PPFIA3: variants seen among roughly 807,000 people sequenced by gnomAD.
PPFIA3 encodes liprin-alpha-3.
Under a neutral mutation model 145.8 loss-of-function variants are expected in PPFIA3, and 26 were observed. That is an observed-to-expected ratio of 0.18 (90% CI 0.13 to 0.25). The LOEUF is 0.25. Among genes scored for constraint, PPFIA3 ranks in the 10% least tolerant of loss-of-function variants. PPFIA3 has a pLI of 1.00. For missense variants in PPFIA3, 1,008 were observed against 1,587.8 expected, an observed-to-expected ratio of 0.63 and a Z score of 6.21; for synonymous variants, 645 against 661.4, an observed-to-expected ratio of 0.98 and a Z score of 0.38.
In PPFIA3 at chr19:49,149,410, G is replaced by A. The variant is rs554833999; in HGVS notation, c.3354+85G>A. 3.6e-4 allele frequency: 569 copies of A among 1,589,782 alleles called. No individual in the cohort carries two copies. The highest frequency in any genetic ancestry group is 1.7e-3 in the Middle Eastern group (10 of 5,840). ...GAGGGGGCGGGGCCTGACTATTAAT[G>A]GTCACGGTTGGAGGCGGGGCCAGGA... On this transcript the variant is annotated intron_variant, in intron 27 of 29. Transcript: ENST00000334186. The surrounding 1 kb of genome is among the most constrained non-coding windows in gnomAD (Gnocchi z 5.7).
chr19:49,136,834 C>T lies in PPFIA3; in HGVS notation c.1776C>T (p.Ser592=), dbSNP rs1380252611. 6.3e-7 allele frequency: 1 copy of T among 1,589,790 alleles called. No homozygotes were observed. Among genetic ancestry groups the T allele is most frequent in the Non-Finnish European group, 8.6e-7 (1 of 1,168,268 alleles). ...AEGMFGAELL[S]PSGQADVQTL... The stretch of plus-strand genomic sequence containing the variant: ...GGATGTTTGGGGCCGAGCTGCTGTC[C>T]CCCAGTGGGCAGGCTGACGTGCAGA... Residue 592 remains serine (S), a synonymous_variant, in exon 15 of 30, where the codon TCC becomes TCT. Transcript: ENST00000334186.
rs769769621 is a variant in PPFIA3 at position 49,138,476 on chromosome 19, C to T, written c.2076+49C>T. 50 of 1,425,956 alleles carry T rather than the reference C, an allele frequency of 3.5e-5. No homozygotes were observed. In the East Asian group the frequency reaches 4.2e-4, roughly 12 times the overall value. The allele number at this position is 1,425,956 out of a possible 1,614,324, so 88.3% of individuals were successfully genotyped here. ...GCCTAGTAGGGGGATGGGGAGAGGTCAGAGGCAGGGCTCCCCAGTGTACAG... is the reference window on the plus strand; with the variant it reads ...GCCTAGTAGGGGGATGGGGAGAGGTTAGAGGCAGGGCTCCCCAGTGTACAG... On this transcript the variant is annotated intron_variant, in intron 16 of 29. Coordinates refer to ENST00000334186, the MANE Select transcript of PPFIA3 (RefSeq NM_003660.4).
intron 5 of PPFIA3, 93 bp downstream of exon 5, chr19:49,129,547 G>A: frequency 1.5e-6 from 2 of 1,337,456 alleles, no homozygotes; most frequent in Non-Finnish European, 2.1e-6. Flanking sequence ...GTTCCAGAGA[G>A]AATCTATTGG....
intron 23 of PPFIA3, among the ~76,000 whole-genome samples, chr19:49,147,499 A>C (rs1466549660): frequency 6.6e-6 from 1 of 152,098 alleles, no homozygotes; most frequent in Non-Finnish European, 1.5e-5. Context: ...CAGCCTGGCC[A>C]ACATGGTGAA....
Position 49,149,746 on chromosome 19 carries a change from T to C in PPFIA3, c.3526+28T>C. The C allele has an allele frequency of 6.3e-7, 1 of 1,578,348 alleles. No individual in the cohort carries two copies. The highest frequency in any genetic ancestry group is 8.6e-7 in the Non-Finnish European group (1 of 1,164,348). On this transcript the variant is annotated intron_variant, in intron 28 of 29. Coordinates refer to ENST00000334186, the MANE Select transcript of PPFIA3 (RefSeq NM_003660.4). The surrounding 1 kb of genome is among the most constrained non-coding windows in gnomAD (Gnocchi z 5.7). The stretch of plus-strand genomic sequence containing the variant: ...GGGGGGCTCCCAAATGCGACAGCCC[T>C]TCCTCGCTTCCCTAGGGTGGGGCAT...
chr19:49,150,216 C>A lies in PPFIA3; in HGVS notation c.*14-20C>A. 1.5e-6 allele frequency: 2 copies of A among 1,372,864 alleles called. No homozygotes were observed. Among genetic ancestry groups the A allele is most frequent in the Non-Finnish European group, 2.0e-6 (2 of 995,338 alleles). 85.0% of individuals were successfully genotyped at this position (1,372,864 alleles called of 1,614,324 possible). On this transcript the variant is annotated intron_variant, in intron 29 of 29. Coordinates refer to ENST00000334186, the MANE Select transcript of PPFIA3 (RefSeq NM_003660.4). ...CACGGTGGATCTTCACTGCTCCACG[C>A]GCTGCCCGGCGTCATGCAGGTGACC...
At chr19:49,139,614 G>C in intron 16 of PPFIA3, 54 bp from the exon 17 acceptor site, 1 of 1,507,632 alleles carries the variant, frequency 6.6e-7, no homozygotes, top group South Asian at 1.3e-5. Flanking sequence ...TTAATAAGGA[G>C]CCCCCGACAT....
intron 7 of PPFIA3, among the ~76,000 whole-genome samples, chr19:49,132,390 C>CAAAAAAAAAAAAAAAAA (rs11351172): frequency 2.3e-5 from 1 of 43,648 alleles, no homozygotes; most frequent in Non-Finnish European, 3.7e-5. Context: ...CTCTCTCTCT[C>CAAAAAAAAAAAAAAAAA]AAAAAAAAAA....
chr19:49,135,035 T>TATTG, intron 13 of PPFIA3, 120 bp downstream of exon 13: 1 of 690,958 alleles, frequency 1.4e-6, no homozygotes, highest in Non-Finnish European at 2.3e-6. Context: ...TGTTTTTGTT[T>TATTG]TTTGTTTGTT....
rs1192606630 is a variant in PPFIA3 at position 49,134,907 on chromosome 19, C to T, written c.1512C>T (p.Ser504=). 6.4e-7 allele frequency: 1 copy of T among 1,568,114 alleles called. No individual in the cohort carries two copies. The highest frequency in any genetic ancestry group is 1.4e-5 in the African/African-American group (1 of 74,044). ...IDQLRGRPPS[S]YSRSLPGSAL... is the part of the protein sequence containing the mutation. ...AGCTGCGGGGGAGGCCACCATCCTC[C>T]TACTCCAGGTGACAGCAGCCCTTCT... is the stretch of plus-strand genomic sequence containing the variant. The change falls in exon 13 of 30, where the codon TCC becomes TCT. Residue 504 remains serine (S), a synonymous_variant. Coordinates refer to ENST00000334186, the MANE Select transcript of PPFIA3 (RefSeq NM_003660.4).
intron 1 of PPFIA3, among the ~76,000 whole-genome samples, chr19:49,123,683 C>T (rs1211686332): frequency 2.0e-5 from 3 of 151,980 alleles, no homozygotes; most frequent in Non-Finnish European, 4.4e-5. Context: ...CTCAAATGAT[C>T]CCCCGGGCTC....
At chr19:49,146,055 G>C in intron 22 of PPFIA3, 50 bp downstream of exon 22, 1 of 1,609,132 alleles carries the variant, frequency 6.2e-7, no homozygotes, top group Non-Finnish European at 8.5e-7. Flanking sequence ...CCTTCTTTGG[G>C]GGTGGGGGCG....
At position 49,128,434 on chromosome 19, in the gene PPFIA3, T is replaced by C. The variant is rs1434681325; in HGVS notation, c.308T>C (p.Ile103Thr). ...REQLLEREEE[I>T]AELKAERNNT... ...CAGCTGCTGGAGAGGGAGGAAGAGA[T>C]TGCAGAGCTGAAGGCGGAACGGAAC... is the stretch of plus-strand genomic sequence containing the variant. Residue 103 changes from isoleucine to threonine, a missense_variant, in exon 3 of 30, where the codon ATT becomes ACT. Coordinates refer to ENST00000334186, the MANE Select transcript of PPFIA3 (RefSeq NM_003660.4). The surrounding 1 kb of genome is among the most constrained non-coding windows in gnomAD (Gnocchi z 4.1). 1.2e-6 allele frequency: 2 copies of C among 1,606,174 alleles called. No homozygotes were observed. The highest frequency in any genetic ancestry group is 2.2e-5 in the South Asian group (2 of 90,852).
chr19:49,130,653 T>C lies in PPFIA3; in HGVS notation c.879+54T>C. 6.8e-7 allele frequency: 1 copy of C among 1,462,948 alleles called. No homozygotes were observed. The highest frequency in any genetic ancestry group is 9.3e-7 in the Non-Finnish European group (1 of 1,079,938). 90.6% of individuals were successfully genotyped at this position (1,462,948 alleles called of 1,614,324 possible). Reference sequence around the variant, plus strand: ...TGGGTCCCTCGCCTTTCCGTAGAGCTCTCCCTCGCGCATTGCTCATGAATG... The same window carrying C: ...TGGGTCCCTCGCCTTTCCGTAGAGCCCTCCCTCGCGCATTGCTCATGAATG... On this transcript the variant is annotated intron_variant, in intron 7 of 29. Coordinates refer to ENST00000334186, the MANE Select transcript of PPFIA3 (RefSeq NM_003660.4). This position sits in a 1 kb window ranked among gnomAD's most constrained non-coding sequence, Gnocchi z 4.5.
In PPFIA3 at chr19:49,138,409, T is replaced by G. The variant is rs756527423; in HGVS notation, c.2058T>G (p.Arg686=). Reference sequence around the variant, plus strand: ...GCCTGGCACCCCCTAGCCCTGCCCGTGAGGGCACCGACAAGGCTGTGAGTG... The same window carrying G: ...GCCTGGCACCCCCTAGCCCTGCCCGGGAGGGCACCGACAAGGCTGTGAGTG... ...TPRLAPPSPA[R]EGTDKANHVP... The change falls in exon 16 of 30, where the codon CGT becomes CGG. Residue 686 remains arginine, a synonymous_variant. Transcript: ENST00000334186. 41 of 1,553,090 alleles carry G rather than the reference T, an allele frequency of 2.6e-5. No individual in the cohort carries two copies. Among genetic ancestry groups the G allele is most frequent in the Non-Finnish European group, 3.1e-5 (36 of 1,148,126 alleles).
intron 20 of PPFIA3, 133 bp downstream of exon 20, chr19:49,142,248 T>G: frequency 1.3e-6 from 1 of 790,790 alleles, no homozygotes. Context: ...GCCTGGCAGG[T>G]GAGGACCCAG....
rs1046997266 is a variant in PPFIA3 at position 49,135,229 on chromosome 19, A to G, written c.1520+314A>G. On this transcript the variant is annotated intron_variant, in intron 13 of 29. Coordinates refer to ENST00000334186, the MANE Select transcript of PPFIA3 (RefSeq NM_003660.4). ...GCTAATTTTTGTAGTTTTAGTAGACACGGGGTTTTGCCATGTTGGCCAGGC... is the reference window on the plus strand; with the variant it reads ...GCTAATTTTTGTAGTTTTAGTAGACGCGGGGTTTTGCCATGTTGGCCAGGC... 3.9e-5 allele frequency among the ~76,000 whole-genome samples: 6 copies of G among 152,054 alleles called. No homozygotes were observed. In the South Asian group the frequency reaches 1.2e-3, roughly 32 times the overall value.
intron 21 of PPFIA3, 122 bp from the exon 22 acceptor site, chr19:49,145,821 G>C (rs1470700051): frequency 3.6e-6 from 3 of 827,630 alleles, no homozygotes; most frequent in Non-Finnish European, 4.2e-6. Context: ...CTCTGTTACT[G>C]CTTGCCCCAG....
intron 14 of PPFIA3, 63 bp from the exon 15 acceptor site, chr19:49,136,661 A>G: frequency 8.1e-7 from 1 of 1,236,880 alleles, no homozygotes; most frequent in South Asian, 2.4e-5. Flanking sequence ...ATCATGAGCC[A>G]AGACCCAGCG....
Sources: allele counts gnomAD v4.1 joint callset (sites outside exome capture counted in the v4.1 genomes callset), GRCh38; gene constraint gnomAD v4.1.1; non-coding constraint Gnocchi (gnomAD v3.1); transcripts MANE v1.5; gene names NCBI Gene and HGNC (gene_info 2026-07-23, HGNC 2026-07-21).